The following FRY variants were observed in gnomAD, a reference collection of about 807,000 sequenced individuals.
FRY encodes the protein FRY microtubule binding protein, also known as protein furry homolog.
FRY carries 128 observed loss-of-function variants against 348.4 expected under a neutral mutation model. The observed-to-expected ratio is 0.37, with a 90% CI of 0.32 to 0.43. The LOEUF (loss-of-function observed/expected upper bound fraction) is 0.43, where lower values mean the gene tolerates loss of function less well. Among genes scored for constraint, FRY ranks in the 20% least tolerant of loss-of-function variants. The pLI, the probability that FRY is intolerant of heterozygous loss-of-function variation, is 1.00. For synonymous variants in FRY, 1,370 were observed against 1,374.7 expected (o/e 1.00, Z 0.08); for missense variants, 2,736 against 3,695.2 (o/e 0.74, Z 6.73).
chr13:32,199,106 C>T (rs1419961519), intron 29 of FRY, among the ~76,000 whole-genome samples: 1 of 152,176 alleles, frequency 6.6e-6, no homozygotes, highest in Non-Finnish European at 1.5e-5. Flanking sequence ...GGGTCAACAT[C>T]TATGGAGAAA....
At chr13:32,255,448 C>A (rs1319722624) in intron 51 of FRY, among the ~76,000 whole-genome samples, 1 of 152,148 alleles carries the variant, frequency 6.6e-6, no homozygotes, top group East Asian at 1.9e-4. Context: ...GCCAAAGAGC[C>A]CTTTGCTTTT....
At position 32,270,040 on chromosome 13, in the gene FRY, C is replaced by G. The variant is rs547806129; in HGVS notation, c.8136+2681C>G. ...ACTTGGGGCTGGAGGAGATGTTAGG[C>G]TTAAGACAGAAAACAATTGGCTGCT... is the stretch of plus-strand genomic sequence containing the variant. On this transcript the variant is annotated intron_variant, in intron 55 of 60. Transcript: ENST00000542859. Among the ~76,000 whole-genome samples the G allele has an allele frequency of 7.2e-5, 11 of 152,206 alleles. No homozygotes were observed. The South Asian group carries it at 2.1e-3, about 29-fold the overall frequency.
At chr13:32,263,401 G>T (rs1214434286) in intron 53 of FRY, among the ~76,000 whole-genome samples, 2 of 151,870 alleles carry the variant, frequency 1.3e-5, no homozygotes, top group Non-Finnish European at 2.9e-5. Flanking sequence ...TAAACCAAGG[G>T]CAATCACCAA....
chr13:32,118,535 G>A (rs1309205576), intron 4 of FRY, among the ~76,000 whole-genome samples: 1 of 152,088 alleles, frequency 6.6e-6, no homozygotes, highest in Non-Finnish European at 1.5e-5. Context: ...ATATAATTTT[G>A]TTTGGGAGAG....
intron 39 of FRY, among the ~76,000 whole-genome samples, chr13:32,227,502 G>A (rs373201882): frequency 1.2e-4 from 19 of 152,192 alleles, no homozygotes; most frequent in East Asian, 7.7e-4. Flanking sequence ...AGGGGAAAAG[G>A]GATAGTTGCA....
chr13:32,204,368 A>G (rs1593736647), intron 31 of FRY, among the ~76,000 whole-genome samples: 1 of 152,220 alleles, frequency 6.6e-6, no homozygotes, highest in Non-Finnish European at 1.5e-5. Flanking sequence ...TTTGCTCGAG[A>G]CCATATAGCT....
chr13:32,094,986 T>C (rs1269543940), intron 2 of FRY, among the ~76,000 whole-genome samples: 1 of 152,228 alleles, frequency 6.6e-6, no homozygotes, highest in Non-Finnish European at 1.5e-5. Flanking sequence ...GAAGGTTCCC[T>C]TTTCTCCATA....
At position 32,281,575 on chromosome 13, in the gene FRY, A is replaced by T. The variant is rs545580517; in HGVS notation, c.8469+3027A>T. ...TGTTTCCAATGTTTTTGCAAAAACCAACCAAGCTTTGGCCCCATTGTCAGT... is the reference window on the plus strand; with the variant it reads ...TGTTTCCAATGTTTTTGCAAAAACCTACCAAGCTTTGGCCCCATTGTCAGT... On this transcript the variant is annotated intron_variant, in intron 58 of 60. Coordinates refer to ENST00000542859, the MANE Select transcript of FRY (RefSeq NM_023037.3). Among the ~76,000 whole-genome samples the T allele has an allele frequency of 1.2e-4, 18 of 152,346 alleles. No individual in the cohort carries two copies. The South Asian group carries it at 3.7e-3, about 32-fold the overall frequency.
chr13:32,202,335 T>C (rs199694002), intron 30 of FRY, 21 bp from the exon 31 acceptor site: 3 of 1,600,834 alleles, frequency 1.9e-6, no homozygotes, highest in Non-Finnish European at 1.7e-6. Context: ...ACTACTTTTT[T>C]ACTTTCCTAC....
chr13:32,179,108 A>G, intron 22 of FRY, 75 bp downstream of exon 22: 8 of 1,117,090 alleles, frequency 7.2e-6, no homozygotes, highest in South Asian at 1.3e-5. Context: ...TCACAGTGCA[A>G]ATTGCACTGT....
intron 11 of FRY, among the ~76,000 whole-genome samples, chr13:32,146,206 G>A (rs929176379): frequency 2.0e-5 from 3 of 149,896 alleles, no homozygotes. Context: ...TACACCTTTC[G>A]AAGTATCTAG....
At chr13:32,270,744 C>A (rs1460858818) in intron 55 of FRY, among the ~76,000 whole-genome samples, 1 of 152,148 alleles carries the variant, frequency 6.6e-6, no homozygotes, top group Non-Finnish European at 1.5e-5. Flanking sequence ...TTCTCCCTTC[C>A]CCTGGCATCT....
chr13:32,131,329 G>A (rs186850604), intron 7 of FRY, among the ~76,000 whole-genome samples: 231 of 152,280 alleles, frequency 1.5e-3, no homozygotes, highest in African/African-American at 5.1e-3. Context: ...CAGGCTCTGG[G>A]GTCTGCAACT....
intron 55 of FRY, among the ~76,000 whole-genome samples, 155 bp from the exon 56 acceptor site, chr13:32,274,687 G>A (rs1278465088): frequency 1.9e-5 from 2 of 104,246 alleles, no homozygotes; most frequent in African/African-American, 3.8e-5. Context: ...CTGGGCGACA[G>A]AGCGAGATTC....
chr13:32,211,937 G>A (rs530021532), intron 34 of FRY, among the ~76,000 whole-genome samples: 10 of 152,286 alleles, frequency 6.6e-5, no homozygotes, highest in African/African-American at 2.4e-4. Flanking sequence ...TACTTCACTA[G>A]CATTAGTTTA....
At chr13:32,133,045 A>G (rs1199734219) in intron 8 of FRY, among the ~76,000 whole-genome samples, 1 of 152,188 alleles carries the variant, frequency 6.6e-6, no homozygotes, top group African/African-American at 2.4e-5. Flanking sequence ...TGGGGAGTGG[A>G]TAGGGAGGTT....
intron 1 of FRY, among the ~76,000 whole-genome samples, chr13:32,038,068 C>T (rs899757350): frequency 2.0e-5 from 3 of 152,128 alleles, no homozygotes; most frequent in Non-Finnish European, 2.9e-5. Flanking sequence ...CCTCATTTGA[C>T]GAGTGAGATG....
intron 17 of FRY, among the ~76,000 whole-genome samples, chr13:32,165,829 A>G (rs1019327208): frequency 1.3e-5 from 2 of 152,200 alleles, no homozygotes; most frequent in Non-Finnish European, 2.9e-5. Context: ...TAAAAGTCAT[A>G]TTTCTGATCT....
At chr13:32,274,695 T>C (rs569770262) in intron 55 of FRY, 147 bp from the exon 56 acceptor site, 251 of 524,684 alleles carry the variant, frequency 4.8e-4, no homozygotes, top group African/African-American at 3.9e-3. Context: ...CAGAGCGAGA[T>C]TCTGTCTCAA....
Sources: allele counts gnomAD v4.1 joint callset (sites outside exome capture counted in the v4.1 genomes callset), GRCh38; gene constraint gnomAD v4.1.1; transcripts MANE v1.5; gene names NCBI Gene and HGNC (gene_info 2026-07-23, HGNC 2026-07-21).